The following RPS6KC1 variants were observed in gnomAD, a reference collection of about 807,000 sequenced individuals.
The protein encoded by RPS6KC1 is ribosomal protein S6 kinase C1.
In RPS6KC1, 54 loss-of-function variants were observed where a neutral mutation model predicts 103.8. The observed-to-expected ratio is 0.52, with a 90% CI of 0.42 to 0.65. RPS6KC1 has a LOEUF of 0.65. RPS6KC1 is among the 30% of genes least tolerant of loss of function. RPS6KC1 has a pLI of 0.00. For synonymous variants in RPS6KC1, 439 were observed against 438.7 expected, an observed-to-expected ratio of 1.00 and a Z score of -0.01; for missense variants, 1,151 against 1,253.8, an observed-to-expected ratio of 0.92 and a Z score of 1.24.
At chr1:213,798,878 C>G in the RPS6KC1 span, among the ~76,000 whole-genome samples, 1 of 152,148 alleles carries the variant, frequency 6.6e-6, no homozygotes, top group Non-Finnish European at 1.5e-5. Flanking sequence ...TCTATTCACC[C>G]TAAGGTAATA....
the RPS6KC1 span, chr1:213,843,564 T>C: frequency 6.6e-6 from 1 of 152,196 alleles, no homozygotes; most frequent in South Asian, 2.1e-4. Context: ...AGTGCTTCTA[T>C]ATATCTGGAA....
intron 4 of RPS6KC1, among the ~76,000 whole-genome samples, chr1:213,110,169 G>A (rs1455001492): frequency 6.6e-6 from 1 of 152,048 alleles, no homozygotes; most frequent in Non-Finnish European, 1.5e-5. Flanking sequence ...TTTAATAGCT[G>A]CTTTGAAGTT....
chr1:213,462,443 A>T, the RPS6KC1 span, among the ~76,000 whole-genome samples: 1 of 152,254 alleles, frequency 6.6e-6, no homozygotes, highest in Non-Finnish European at 1.5e-5. Flanking sequence ...TGCTATAAAG[A>T]CACATGCACA....
chr1:213,239,546 C>T (rs931710242), intron 10 of RPS6KC1, among the ~76,000 whole-genome samples: 1 of 151,836 alleles, frequency 6.6e-6, no homozygotes, highest in Non-Finnish European at 1.5e-5. Context: ...TTGATGTTTC[C>T]GTTGACTTTT....
the RPS6KC1 span, among the ~76,000 whole-genome samples, chr1:213,559,685 C>T: frequency 6.6e-6 from 1 of 152,130 alleles, no homozygotes; most frequent in South Asian, 2.1e-4. Context: ...TTAGTATTGT[C>T]TAGGCATATA....
At chr1:213,653,245 G>A in the RPS6KC1 span, among the ~76,000 whole-genome samples, 1 of 152,150 alleles carries the variant, frequency 6.6e-6, no homozygotes, top group Admixed American at 6.5e-5. Flanking sequence ...GATAGCTTGA[G>A]CCATGAGTTT....
At chr1:213,553,091 C>A in the RPS6KC1 span, among the ~76,000 whole-genome samples, 26 of 151,662 alleles carry the variant, frequency 1.7e-4, no homozygotes, top group Non-Finnish European at 1.8e-4. Context: ...GTTCAGTGTA[C>A]AGATAATTTT....
the RPS6KC1 span, among the ~76,000 whole-genome samples, chr1:213,647,604 G>A: frequency 6.6e-6 from 1 of 152,076 alleles, no homozygotes; most frequent in Admixed American, 6.6e-5. Context: ...AAATAATCCT[G>A]AGGTTCCTTT....
intron 1 of RPS6KC1, among the ~76,000 whole-genome samples, chr1:213,068,224 G>T (rs1281293049): frequency 6.6e-6 from 1 of 151,862 alleles, no homozygotes; most frequent in Non-Finnish European, 1.5e-5. Context: ...AGTGGCTCAC[G>T]CCTGTAATCC....
the RPS6KC1 span, among the ~76,000 whole-genome samples, chr1:213,851,294 C>G: frequency 6.6e-6 from 1 of 152,172 alleles, no homozygotes; most frequent in Non-Finnish European, 1.5e-5. Flanking sequence ...TCTGTATCAC[C>G]TACCTCTGAT....
rs1052751090 is a variant in RPS6KC1, at chr1:213,218,209, A to G, written c.1045-12288A>G. 9.1e-4 allele frequency among the ~76,000 whole-genome samples: 138 copies of G among 152,256 alleles called. 1 individual carries two copies. The highest frequency in any genetic ancestry group is 3.3e-3 in the African/African-American group (137 of 41,548). The stretch of plus-strand genomic sequence containing the variant: ...TACAAAATCAATGTGCAAAAATCAC[A>G]AGCATTCTTATACACCAATAACAGA... On this transcript the variant is annotated intron_variant, in intron 8 of 14. Transcript: ENST00000366960.
At chr1:213,188,853 TAA>T (rs2092641218) in intron 8 of RPS6KC1, among the ~76,000 whole-genome samples, 1 of 151,588 alleles carries the variant, frequency 6.6e-6, no homozygotes, top group South Asian at 2.1e-4. Context: ...TTTTTAAATG[TAA>T]ATATAGACCC....
the RPS6KC1 span, among the ~76,000 whole-genome samples, chr1:213,415,409 C>T: frequency 6.6e-6 from 1 of 152,224 alleles, no homozygotes; most frequent in Non-Finnish European, 1.5e-5. Context: ...TACAGCTCCT[C>T]ATTCTTGGAG....
chr1:213,640,615 A>G, the RPS6KC1 span, among the ~76,000 whole-genome samples: 1 of 151,710 alleles, frequency 6.6e-6, no homozygotes, highest in Non-Finnish European at 1.5e-5. Context: ...TTGCCTTTTC[A>G]TGCAGTCCCA....
At chr1:213,205,290 A>T in intron 8 of RPS6KC1, 1 of 984,816 alleles carries the variant, frequency 1.0e-6, no homozygotes, top group African/African-American at 1.7e-5. Flanking sequence ...CAATTGTTAC[A>T]TATTGGGATT....
At chr1:213,578,932 G>T in the RPS6KC1 span, among the ~76,000 whole-genome samples, 1 of 151,986 alleles carries the variant, frequency 6.6e-6, no homozygotes, top group Non-Finnish European at 1.5e-5. Flanking sequence ...CATAATATTT[G>T]GGAGGGACCA....
At chr1:213,528,971 A>G in the RPS6KC1 span, among the ~76,000 whole-genome samples, 1 of 152,240 alleles carries the variant, frequency 6.6e-6, no homozygotes, top group African/African-American at 2.4e-5. Context: ...TCATTCATTC[A>G]TTCACTCATT....
the RPS6KC1 span, among the ~76,000 whole-genome samples, chr1:213,727,736 A>AT: frequency 6.6e-6 from 1 of 152,134 alleles, no homozygotes; most frequent in Non-Finnish European, 1.5e-5. Flanking sequence ...ATTAAAAGAG[A>AT]TTTTCAATTC....
At chr1:213,139,549 C>A (rs955056796) in intron 6 of RPS6KC1, among the ~76,000 whole-genome samples, 1 of 151,922 alleles carries the variant, frequency 6.6e-6, no homozygotes, top group Non-Finnish European at 1.5e-5. Flanking sequence ...CATTTCCAAT[C>A]TTTTGCATAT....
Sources: gnomAD v4.1 joint callset for allele counts (sites outside exome capture counted in the v4.1 genomes callset) on GRCh38, gnomAD v4.1.1 for gene constraint, MANE v1.5 for transcripts, NCBI Gene and HGNC (gene_info 2026-07-23, HGNC 2026-07-21) for gene names.